Variants in PRORP observed in about 807,000 individuals in gnomAD.
The protein encoded by PRORP is mitochondrial ribonuclease P catalytic subunit.
Under a neutral mutation model 59.4 loss-of-function variants are expected in PRORP, and 51 were observed. That is an observed-to-expected ratio of 0.86 (90% confidence interval 0.69 to 1.08). The LOEUF is 1.08. Among genes scored for constraint, PRORP ranks in the 50% least tolerant of loss-of-function variants. The pLI, the probability that PRORP is intolerant of heterozygous loss-of-function variation, is 0.00. For synonymous variants in PRORP, 231 were observed against 245.6 expected, an observed-to-expected ratio of 0.94 and a Z score of 0.55; for missense variants, 646 against 690.3, an observed-to-expected ratio of 0.94 and a Z score of 0.72.
chr14:35,262,482 G>T (rs1178524409), intron 5 of PRORP: 1 of 510,456 alleles, frequency 2.0e-6, no homozygotes, highest in Non-Finnish European at 3.6e-6. Context: ...TCAGCAACCA[G>T]ACTGTCAACA....
intron 2 of PRORP, among the ~76,000 whole-genome samples, chr14:35,124,815 C>G (rs139068764): frequency 1.1e-4 from 16 of 150,098 alleles, no homozygotes; most frequent in African/African-American, 3.9e-4. Flanking sequence ...TCAGAAGTTC[C>G]TCTGAAATCT....
chr14:35,223,551 C>T (rs944497312), intron 5 of PRORP, among the ~76,000 whole-genome samples: 1 of 149,864 alleles, frequency 6.7e-6, no homozygotes, highest in African/African-American at 2.5e-5. Context: ...CCTCTGCCTC[C>T]CAGGTTCAAG....
intron 5 of PRORP, among the ~76,000 whole-genome samples, chr14:35,232,611 G>A (rs1420222642): frequency 6.6e-6 from 1 of 152,060 alleles, no homozygotes; most frequent in Non-Finnish European, 1.5e-5. Context: ...TTGGCCCATA[G>A]TAAGTCCTTG....
At chr14:35,247,466 T>C (rs1193901788) in intron 5 of PRORP, among the ~76,000 whole-genome samples, 1 of 152,186 alleles carries the variant, frequency 6.6e-6, no homozygotes, top group East Asian at 1.9e-4. Flanking sequence ...TGGGGCTTTG[T>C]AGCAAGACAA....
chr14:35,192,569 A>G (rs2048910216), intron 5 of PRORP, among the ~76,000 whole-genome samples: 1 of 152,242 alleles, frequency 6.6e-6, no homozygotes, highest in African/African-American at 2.4e-5. Context: ...CTCATACTTT[A>G]CACATACCTT....
At chr14:35,139,077 C>T (rs1309448348) in intron 4 of PRORP, among the ~76,000 whole-genome samples, 1 of 145,492 alleles carries the variant, frequency 6.9e-6, no homozygotes, top group Admixed American at 7.2e-5. Flanking sequence ...AGGCATGAGC[C>T]GCCATGCCCG....
At chr14:35,214,059 G>A (rs2049522567) in intron 5 of PRORP, among the ~76,000 whole-genome samples, 1 of 152,194 alleles carries the variant, frequency 6.6e-6, no homozygotes, top group South Asian at 2.1e-4. Context: ...TGTTAATGGT[G>A]ATGATGATAA....
intron 4 of PRORP, among the ~76,000 whole-genome samples, chr14:35,146,741 G>A (rs905411537): frequency 1.2e-4 from 18 of 152,110 alleles, no homozygotes; most frequent in African/African-American, 3.9e-4. Flanking sequence ...AAGCTTTATC[G>A]TAAATATTGC....
At chr14:35,189,986 GT>G (rs2048842622) in intron 5 of PRORP, among the ~76,000 whole-genome samples, 1 of 151,892 alleles carries the variant, frequency 6.6e-6, no homozygotes, top group Non-Finnish European at 1.5e-5. Context: ...GCACTTTCCT[GT>G]AATCTCAGCT....
chr14:35,225,970 G>A (rs1037242805), intron 5 of PRORP, among the ~76,000 whole-genome samples: 2 of 152,186 alleles, frequency 1.3e-5, no homozygotes, highest in Non-Finnish European at 2.9e-5. Flanking sequence ...AACCAAAGCT[G>A]TAACTCTAAG....
intron 5 of PRORP, among the ~76,000 whole-genome samples, chr14:35,183,986 A>G (rs1437594640): frequency 6.6e-6 from 1 of 152,100 alleles, no homozygotes; most frequent in African/African-American, 2.4e-5. Flanking sequence ...AAGTTCTATA[A>G]GTTTTAAGTT....
chr14:35,128,984 G>A (rs2047165212), intron 4 of PRORP, among the ~76,000 whole-genome samples: 2 of 151,494 alleles, frequency 1.3e-5, no homozygotes, highest in Non-Finnish European at 2.9e-5. Context: ...ATCACCTGAG[G>A]TCAGGAGTTC....
chr14:35,169,085 CTTTCT>C (rs199943042), intron 4 of PRORP, among the ~76,000 whole-genome samples: 27,907 of 83,614 alleles, frequency 0.33, 2,810 homozygotes, highest in Admixed American at 0.43. Flanking sequence ...TATGACCTTT[CTTTCT>C]TTTTTTTTTA....
chr14:35,254,918 C>A (rs904623240), intron 5 of PRORP, among the ~76,000 whole-genome samples: 1 of 152,072 alleles, frequency 6.6e-6, no homozygotes, highest in Non-Finnish European at 1.5e-5. Flanking sequence ...CAACTTGCTG[C>A]TCCTGTTCTT....
chr14:35,266,870 T>C lies in PRORP; in HGVS notation c.1419T>C (p.Asp473=). 2 of 1,614,148 alleles carry C rather than the reference T, an allele frequency of 1.2e-6. No homozygotes were observed. Among genetic ancestry groups the C allele is most frequent in the African/African-American group, 1.3e-5 (1 of 75,034 alleles). ...VQKQASCFFA[D]DISEDDPFLL... ...AGCAAGCCAGCTGTTTTTTTGCTGATGACATGTAAGTGTTGGAGGTAATAG... is the reference window on the plus strand; with the variant it reads ...AGCAAGCCAGCTGTTTTTTTGCTGACGACATGTAAGTGTTGGAGGTAATAG... The change falls in exon 6 of 8, where the codon GAT becomes GAC. Residue 473 remains aspartate (D), a synonymous_variant. Coordinates refer to ENST00000534898, the MANE Select transcript of PRORP (RefSeq NM_014672.4).
chr14:35,135,725 C>T lies in PRORP; in HGVS notation c.1167+8114C>T, dbSNP rs1004629355. Among the ~76,000 whole-genome samples the T allele has an allele frequency of 6.3e-4, 96 of 152,018 alleles. 1 individual carries two copies. Among genetic ancestry groups the T allele is most frequent in the Admixed American group, 5.5e-3 (84 of 15,262 alleles). On this transcript the variant is annotated intron_variant, in intron 4 of 7. Transcript: ENST00000534898. ...CTGTAATCCCAGCACTTTGGGTGGC[C>T]GAGGCGGGCAGATCATGAAGTCAGG...
intron 4 of PRORP, 72 bp downstream of exon 4, chr14:35,127,683 C>T: frequency 2.7e-6 from 4 of 1,506,854 alleles, no homozygotes; most frequent in Non-Finnish European, 3.7e-6. Flanking sequence ...TTGTAAAATG[C>T]CAGATACTAA....
At chr14:35,131,274 G>C (rs2047231198) in intron 4 of PRORP, among the ~76,000 whole-genome samples, 1 of 152,130 alleles carries the variant, frequency 6.6e-6, no homozygotes, top group South Asian at 2.1e-4. Flanking sequence ...GTACTCCTTA[G>C]CATTTATTGT....
At chr14:35,271,101 A>G (rs2138678029) in intron 7 of PRORP, among the ~76,000 whole-genome samples, 1 of 151,516 alleles carries the variant, frequency 6.6e-6, no homozygotes, top group African/African-American at 2.4e-5. Context: ...ACAAAAAACA[A>G]CATTTAGGAT....
Sources: gnomAD v4.1 joint callset for allele counts (sites outside exome capture counted in the v4.1 genomes callset) on GRCh38, gnomAD v4.1.1 for gene constraint, MANE v1.5 for transcripts, NCBI Gene and HGNC (gene_info 2026-07-23, HGNC 2026-07-21) for gene names.